Variants in ZNF239 observed in about 807,000 individuals in gnomAD.
ZNF239 encodes zinc finger protein (C2H2) homologous to mouse MOK-2.
In ZNF239, 16 loss-of-function variants were observed where a neutral mutation model predicts 27.5. The observed-to-expected ratio is 0.58, with a 90% CI of 0.39 to 0.88. The LOEUF (loss-of-function observed/expected upper bound fraction) is 0.88, where lower values mean the gene tolerates loss of function less well. ZNF239 is among the 40% of genes least tolerant of loss of function. The pLI is 0.00. For missense variants in ZNF239, 527 were observed against 551.9 expected (o/e 0.95, Z 0.45); for synonymous variants, 199 against 192.6 (o/e 1.03, Z -0.27).
In ZNF239 at chr10:43,557,237, A is replaced by G. The variant is rs1418759922; in HGVS notation, c.843T>C (p.His281=). The change falls in exon 4 of 4, where the codon CAT becomes CAC. Residue 281 remains histidine (H), a synonymous_variant. Transcript: ENST00000374446. ...GTTTTTCGCCTGTATGGACGGCATG[A>G]TGGATGAGCAGACTTGAGCTCCTGG... ...GFTRSSSLLI[H]HAVHTGEKPY... is the part of the protein sequence containing the mutation. 5 of 1,612,134 alleles carry G rather than the reference A, an allele frequency of 3.1e-6. No homozygotes were observed. The highest frequency in any genetic ancestry group is 2.2e-5 in the South Asian group (2 of 90,960).
intron 3 of ZNF239, among the ~76,000 whole-genome samples, chr10:43,564,065 T>C (rs770317261): frequency 6.6e-6 from 1 of 152,220 alleles, no homozygotes; most frequent in Admixed American, 6.5e-5. Flanking sequence ...CCCTGTGGTC[T>C]ACCACACTCC....
At chr10:43,564,487 A>G (rs1278119042) in intron 3 of ZNF239, among the ~76,000 whole-genome samples, 1 of 152,182 alleles carries the variant, frequency 6.6e-6, no homozygotes, top group East Asian at 1.9e-4. Flanking sequence ...TAAAGTTAAA[A>G]AAGAATTGGT....
At chr10:43,565,817 GAAAAAAAAAA>G (rs36039838) in intron 3 of ZNF239, among the ~76,000 whole-genome samples, 4 of 67,140 alleles carry the variant, frequency 6.0e-5, no homozygotes, top group Non-Finnish European at 9.9e-5. Flanking sequence ...TCCATCTCAA[GAAAAAAAAAA>G]AAAAAAAAAA....
chr10:43,562,679 G>A (rs58916326), intron 3 of ZNF239, among the ~76,000 whole-genome samples: 1 of 152,324 alleles, frequency 6.6e-6, no homozygotes, highest in East Asian at 1.9e-4. Flanking sequence ...GAGCAGCAGA[G>A]TCAGGAAACA....
intron 2 of ZNF239, 125 bp downstream of exon 2, chr10:43,573,512 C>T (rs1838165701): frequency 1.8e-6 from 1 of 564,812 alleles, no homozygotes; most frequent in Admixed American, 6.3e-5. Context: ...TCCTTAGTAT[C>T]TTAATGTCCC....
intron 3 of ZNF239, among the ~76,000 whole-genome samples, chr10:43,560,041 T>A (rs968557891): frequency 6.6e-6 from 1 of 152,214 alleles, no homozygotes; most frequent in Non-Finnish European, 1.5e-5. Flanking sequence ...AATGATAAAG[T>A]AAGACATTTC....
chr10:43,573,881 TC>T (rs1306294165), intron 1 of ZNF239, among the ~76,000 whole-genome samples: 7 of 151,982 alleles, frequency 4.6e-5, no homozygotes, highest in Non-Finnish European at 2.9e-5. Flanking sequence ...AGCCAAGTTT[TC>T]CCCCCAAAAC....
intron 3 of ZNF239, among the ~76,000 whole-genome samples, chr10:43,566,247 T>C (rs1358153466): frequency 1.3e-5 from 2 of 151,050 alleles, no homozygotes; most frequent in African/African-American, 4.9e-5. Flanking sequence ...CACTGTGGAC[T>C]GAGGGAGGCA....
rs201111481 is a variant in ZNF239 at position 43,557,380 on chromosome 10, G to A, written c.700C>T (p.Pro234Ser). The A allele has an allele frequency of 6.2e-7, 1 of 1,614,194 alleles. No individual in the cohort carries two copies. Among genetic ancestry groups the A allele is most frequent in the Non-Finnish European group, 8.5e-7 (1 of 1,180,036 alleles). ...LHQRDHTEEK[P>S]YKCEQCGKGF... is the part of the protein sequence containing the mutation. ...TTCCCACATTGCTCACATTTGTAGG[G>A]TTTTTCTTCTGTGTGGTCTCTCTGA... is the stretch of plus-strand genomic sequence containing the variant. Residue 234 changes from proline (P) to serine (S), a missense_variant, in exon 4 of 4, where the codon CCC becomes TCC. Transcript: ENST00000374446.
At chr10:43,570,763 C>G (rs1588816326) in intron 2 of ZNF239, 1 of 905,280 alleles carries the variant, frequency 1.1e-6, no homozygotes, top group Non-Finnish European at 1.3e-6. Context: ...TAACTCCTTA[C>G]CAATTCTTTG....
intron 2 of ZNF239, chr10:43,570,899 C>T (rs1262561398): frequency 1.0e-6 from 1 of 985,042 alleles, no homozygotes; most frequent in Non-Finnish European, 1.2e-6. Context: ...TGTTGGTGGA[C>T]TACTAACTTT....
At chr10:43,563,489 T>C (rs1036495201) in intron 3 of ZNF239, among the ~76,000 whole-genome samples, 1 of 152,224 alleles carries the variant, frequency 6.6e-6, no homozygotes, top group African/African-American at 2.4e-5. Context: ...AAAATTTTAA[T>C]ACATATACTT....
intron 2 of ZNF239, among the ~76,000 whole-genome samples, chr10:43,569,035 A>G: frequency 6.6e-6 from 1 of 152,112 alleles, no homozygotes; most frequent in East Asian, 1.9e-4. Flanking sequence ...AACACTTAAC[A>G]GGCCCCAACA....
chr10:43,564,668 T>C (rs1837508809), intron 3 of ZNF239, among the ~76,000 whole-genome samples: 1 of 152,140 alleles, frequency 6.6e-6, no homozygotes, highest in Non-Finnish European at 1.5e-5. Context: ...TAGCTGGGAC[T>C]ACAGGTGTAT....
intron 3 of ZNF239, among the ~76,000 whole-genome samples, chr10:43,562,689 A>C (rs1165386216): frequency 2.0e-5 from 3 of 152,260 alleles, no homozygotes; most frequent in Admixed American, 2.0e-4. Flanking sequence ...GTCAGGAAAC[A>C]GGAATGTTTT....
At chr10:43,571,191 C>T (rs1423080449) in intron 2 of ZNF239, among the ~76,000 whole-genome samples, 1 of 151,148 alleles carries the variant, frequency 6.6e-6, no homozygotes, top group South Asian at 2.1e-4. Flanking sequence ...AGACAAATGT[C>T]GACCTCCTCA....
chr10:43,569,940 A>G (rs545091735), intron 2 of ZNF239, among the ~76,000 whole-genome samples: 28 of 152,256 alleles, frequency 1.8e-4, no homozygotes, highest in Non-Finnish European at 3.8e-4. Flanking sequence ...ACCTGTGGTG[A>G]AGAACCAGTT....
At chr10:43,558,236 T>C in intron 3 of ZNF239, 65 bp from the exon 4 acceptor site, 1 of 1,405,170 alleles carries the variant, frequency 7.1e-7, no homozygotes, top group Non-Finnish European at 9.4e-7. Context: ...AGAGTGAGAG[T>C]GCCTAAGGCC....
At chr10:43,561,516 T>G (rs2132251850) in intron 3 of ZNF239, among the ~76,000 whole-genome samples, 1 of 152,308 alleles carries the variant, frequency 6.6e-6, no homozygotes, top group South Asian at 2.1e-4. Flanking sequence ...AAATTATAAT[T>G]TTTACCCAGC....
Sources: gnomAD v4.1 joint callset for allele counts (sites outside exome capture counted in the v4.1 genomes callset) on GRCh38, gnomAD v4.1.1 for gene constraint, MANE v1.5 for transcripts, NCBI Gene and HGNC (gene_info 2026-07-23, HGNC 2026-07-21) for gene names.